The following ZNF600 variants were observed in gnomAD, a reference collection of about 807,000 sequenced individuals.
ZNF600 encodes the protein zinc finger protein 600.
ZNF600 carries 4 observed loss-of-function variants against 7.3 expected under a neutral mutation model. The ratio of observed to expected loss-of-function variants is 0.55; its 90% CI spans 0.27 to 1.25. ZNF600 has a LOEUF of 1.25. ZNF600 is among the 50% of genes most tolerant of loss of function. The probability of loss-of-function intolerance (pLI) is 0.12; values close to 1 mark genes in which losing one functional copy is unlikely to be tolerated. For missense variants in ZNF600, 911 were observed against 922.1 expected (o/e 0.99, Z 0.16); for synonymous variants, 290 against 308.9 (o/e 0.94, Z 0.64).
At chr19:52,810,742 G>T in the ZNF600 span, 1 of 622,832 alleles carries the variant, frequency 1.6e-6, no homozygotes, top group Non-Finnish European at 2.8e-6. Flanking sequence ...AGGAAAAAAA[G>T]AGGAAAGAAG....
At chr19:52,806,730 T>C in the ZNF600 span, among the ~76,000 whole-genome samples, 133,679 of 151,590 alleles carry the variant, frequency 0.88, 59,185 homozygotes, top group East Asian at 0.92. Context: ...GGTGAAACAC[T>C]GTCTCTACTA....
At position 52,768,450 on chromosome 19, in the gene ZNF600, A is replaced by AG. The variant is rs528325986; in HGVS notation, c.191-679_191-678insC. Among the ~76,000 whole-genome samples, 741 of 152,172 alleles carry AG rather than the reference A, an allele frequency of 4.9e-3. 7 individuals are homozygous for AG. Among genetic ancestry groups the AG allele is most frequent in the African/African-American group, 0.017 (711 of 41,514 alleles). ...GTGAGACTCCACCTCAAAAAAAAAA[A>AG]AAAAGCAAAAAAAAAGTTAATTCAA... On this transcript the variant is annotated intron_variant, in intron 3 of 3. Transcript: ENST00000648973.
At chr19:52,765,482 A>G in exon 4 of ZNF600, 2 of 1,548,114 alleles carry the variant, frequency 1.3e-6, no homozygotes, top group Non-Finnish European at 1.8e-6. Context: ...GATGTCTGAA[A>G]AATTTGCCAC....
At chr19:52,812,214 A>C in the ZNF600 span, among the ~76,000 whole-genome samples, 1 of 127,492 alleles carries the variant, frequency 7.8e-6, no homozygotes, top group Admixed American at 7.5e-5. Flanking sequence ...GGCCGCCCCT[A>C]CTGGGAAGTG....
chr19:52,782,051 T>TC (rs1227111799), intron 1 of ZNF600, among the ~76,000 whole-genome samples: 1 of 151,394 alleles, frequency 6.6e-6, no homozygotes, highest in African/African-American at 2.4e-5. Context: ...ACAGAGAGTC[T>TC]CAATAAATAA....
At chr19:52,800,777 CT>C in the ZNF600 span, 1 of 1,613,976 alleles carries the variant, frequency 6.2e-7, no homozygotes, top group Non-Finnish European at 8.5e-7. Flanking sequence ...ATTCATTACA[CT>C]TGTAAGGTTT....
the ZNF600 span, chr19:52,810,054 T>C: frequency 4.1e-6 from 3 of 740,718 alleles, no homozygotes; most frequent in East Asian, 5.4e-5. Context: ...CCGCGCCCCA[T>C]GCCTGGGAGC....
chr19:52,825,324 C>G, the ZNF600 span, among the ~76,000 whole-genome samples: 1 of 152,146 alleles, frequency 6.6e-6, no homozygotes, highest in African/African-American at 2.4e-5. Flanking sequence ...AGCTATCTTG[C>G]TTCCTACCTT....
intron 1 of ZNF600, among the ~76,000 whole-genome samples, chr19:52,784,383 G>C (rs545393671): frequency 1.2e-4 from 18 of 152,150 alleles, no homozygotes; most frequent in Admixed American, 2.6e-4. Flanking sequence ...TCCAGCCTGG[G>C]TGACAGAGCC....
chr19:52,801,706 C>G, the ZNF600 span: 2 of 1,609,148 alleles, frequency 1.2e-6, no homozygotes, highest in African/African-American at 1.3e-5. Flanking sequence ...GAGATATCTA[C>G]AAAATATAAA....
At chr19:52,811,420 C>A in the ZNF600 span, among the ~76,000 whole-genome samples, 1 of 146,044 alleles carries the variant, frequency 6.8e-6, no homozygotes, top group African/African-American at 2.7e-5. Flanking sequence ...CGTCTCTGCC[C>A]GGCCGCCATC....
rs560417921 is a variant in ZNF600, at chr19:52,782,022, C to T, written c.-19-3115G>A. Among the ~76,000 whole-genome samples, 236 of 151,960 alleles carry T rather than the reference C, an allele frequency of 1.6e-3. 4 individuals are homozygous for T. The highest frequency in any genetic ancestry group is 4.6e-3 in the South Asian group (22 of 4,812). On this transcript the variant is annotated intron_variant, in intron 1 of 3. Coordinates refer to ENST00000648973, the Ensembl canonical transcript of ZNF600. ...TTTGCAGTGAGACGAGATCGTGCCACTGCACTCCAGCCTGGGTGACAGAGA... is the reference window on the plus strand; with the variant it reads ...TTTGCAGTGAGACGAGATCGTGCCATTGCACTCCAGCCTGGGTGACAGAGA...
At chr19:52,824,393 G>C in the ZNF600 span, among the ~76,000 whole-genome samples, 11 of 152,104 alleles carry the variant, frequency 7.2e-5, no homozygotes, top group Admixed American at 5.9e-4. Context: ...CCGGCACTTT[G>C]GGTGGCCGAG....
intron 3 of ZNF600, among the ~76,000 whole-genome samples, chr19:52,773,743 A>T (rs948285990): frequency 1.3e-5 from 2 of 152,086 alleles, no homozygotes; most frequent in Non-Finnish European, 2.9e-5. Flanking sequence ...ATGGTGGTGC[A>T]TGTCTGTAAT....
intron 3 of ZNF600, among the ~76,000 whole-genome samples, chr19:52,772,386 T>G (rs751864269): frequency 6.6e-6 from 1 of 152,098 alleles, no homozygotes; most frequent in African/African-American, 2.4e-5. Context: ...GTACATCACT[T>G]GAGGTCAGGA....
At chr19:52,771,367 GCTTCAT>G (rs1170165576) in intron 3 of ZNF600, among the ~76,000 whole-genome samples, 4 of 141,050 alleles carry the variant, frequency 2.8e-5, no homozygotes, top group Non-Finnish European at 5.9e-5. Context: ...TGTCTGTCAT[GCTTCAT>G]CACCCAGGCT....
At chr19:52,795,994 G>T in the ZNF600 span, among the ~76,000 whole-genome samples, 1 of 152,144 alleles carries the variant, frequency 6.6e-6, no homozygotes, top group African/African-American at 2.4e-5. Context: ...GGGCAACATG[G>T]TGAAAGCCCA....
At chr19:52,764,999 G>C in exon 4 of ZNF600, 1 of 230,676 alleles carries the variant, frequency 4.3e-6, no homozygotes, top group Non-Finnish European at 8.8e-6. Flanking sequence ...GCCTCCAACC[G>C]TGCTGGAATT....
At chr19:52,797,297 T>C in the ZNF600 span, 22 of 152,400 alleles carry the variant, frequency 1.4e-4, no homozygotes, top group African/African-American at 4.3e-4. Flanking sequence ...TGGAATGCTT[T>C]TCCTGTAGGA....
Sources: gnomAD v4.1 joint callset for allele counts (sites outside exome capture counted in the v4.1 genomes callset) on GRCh38, gnomAD v4.1.1 for gene constraint, MANE v1.5 for transcripts, NCBI Gene and HGNC (gene_info 2026-07-23, HGNC 2026-07-21) for gene names.